The following TRIM16 variants were observed in gnomAD, a reference collection of about 807,000 sequenced individuals.
TRIM16 encodes the protein tripartite motif containing 16.
Under a neutral mutation model 50.4 loss-of-function variants are expected in TRIM16, and 33 were observed. The ratio of observed to expected loss-of-function variants is 0.65; its 90% CI spans 0.50 to 0.88. The LOEUF is 0.88. Ranked by LOEUF, TRIM16 falls within the 40% of genes least tolerant of loss-of-function variation. TRIM16 has a pLI of 0.00. For missense variants in TRIM16, 581 were observed against 686.8 expected, an observed-to-expected ratio of 0.85 and a Z score of 1.72; for synonymous variants, 229 against 270.7, an observed-to-expected ratio of 0.85 and a Z score of 1.51.
In TRIM16 at chr17:15,677,838, A is replaced by G. The variant is rs560375414; in HGVS notation, c.-589-117T>C. ...ATTTTATTGACTCGTATATTAAAGA[A>G]TCTTAAAATCTTAAAATGTGTATAC... On this transcript the variant is annotated intron_variant, in intron 4 of 11. Coordinates refer to ENST00000649191, the MANE Select transcript of TRIM16 (RefSeq NM_001348119.1). 39 of 802,614 alleles carry G rather than the reference A, an allele frequency of 4.9e-5. No homozygotes were observed. The African/African-American group carries it at 7.3e-4, about 15-fold the overall frequency. 49.7% of individuals were successfully genotyped at this position (802,614 alleles called of 1,614,324 possible).
chr17:15,672,933 T>C (rs1291459221), intron 6 of TRIM16, among the ~76,000 whole-genome samples: 1 of 152,250 alleles, frequency 6.6e-6, no homozygotes, highest in Non-Finnish European at 1.5e-5. Context: ...ATCCAAATTA[T>C]ATTTAGGCTA....
At position 15,671,346 on chromosome 17, in the gene TRIM16, T is replaced by C. The variant is rs1224280024; in HGVS notation, c.-338+5830A>G. 3.8e-5 allele frequency among the ~76,000 whole-genome samples: 5 copies of C among 132,234 alleles called. No individual in the cohort carries two copies. In the East Asian group the frequency reaches 6.5e-4, roughly 17 times the overall value. 86.8% of individuals were successfully genotyped at this position (132,234 alleles called of 152,430 possible). On this transcript the variant is annotated intron_variant, in intron 6 of 11. Transcript: ENST00000649191. ...ATAAATATAGAATTTTATATAGGTG[T>C]GCAAAACATAATTTTATAGTATTCT...
chr17:15,647,986 G>A (rs1317041698), intron 7 of TRIM16, among the ~76,000 whole-genome samples: 2 of 152,146 alleles, frequency 1.3e-5, no homozygotes, highest in Non-Finnish European at 2.9e-5. Context: ...AGCACTTTGG[G>A]AGGCCGAGGC....
At chr17:15,658,740 A>G (rs1014433057) in intron 6 of TRIM16, 3 of 926,346 alleles carry the variant, frequency 3.2e-6, no homozygotes, top group Non-Finnish European at 3.9e-6. Context: ...AAAGTCTGAG[A>G]ACCACTGAGC....
intron 3 of TRIM16, among the ~76,000 whole-genome samples, chr17:15,681,575 G>T (rs1157937809): frequency 6.6e-6 from 1 of 152,202 alleles, no homozygotes; most frequent in African/African-American, 2.4e-5. Context: ...ATGAATTAAT[G>T]AATGAGCCCT....
intron 7 of TRIM16, among the ~76,000 whole-genome samples, chr17:15,649,120 T>C (rs972674128): frequency 4.6e-5 from 7 of 152,296 alleles, no homozygotes; most frequent in African/African-American, 1.7e-4. Context: ...AGGTGCCCTG[T>C]TTTTAAAATT....
intron 6 of TRIM16, among the ~76,000 whole-genome samples, chr17:15,657,201 A>G (rs1988020811): frequency 6.6e-6 from 1 of 152,170 alleles, no homozygotes; most frequent in African/African-American, 2.4e-5. Context: ...GCTTTTATTA[A>G]AAGACAGGAT....
chr17:15,670,168 AT>A (rs1988666740), intron 6 of TRIM16, among the ~76,000 whole-genome samples: 1 of 152,218 alleles, frequency 6.6e-6, no homozygotes, highest in Admixed American at 6.5e-5. Context: ...GCTTGAAGAT[AT>A]TCTGCAGTTT....
Position 15,643,028 on chromosome 17 carries a change from A to C in TRIM16, c.520-212T>G, listed in dbSNP as rs1230491096. On this transcript the variant is annotated intron_variant, in intron 7 of 11. Transcript: ENST00000649191. ...AGTCAGCATGAGTCAGCGAAAATAC[A>C]GTGAGCACGGATGCCGTGCTGCTCA... The C allele has an allele frequency of 5.4e-6, 4 of 745,534 alleles. 1 individual carries two copies. In the African/African-American group the frequency reaches 1.5e-4, roughly 28 times the overall value. 46.2% of individuals were successfully genotyped at this position (745,534 alleles called of 1,614,324 possible).
At chr17:15,650,395 C>G (rs3785634) in intron 7 of TRIM16, among the ~76,000 whole-genome samples, 59,918 of 152,102 alleles carry the variant, frequency 0.39, 13,930 homozygotes, top group African/African-American at 0.65. Context: ...AGAAAAACGA[C>G]TTGTTCTAGA....
intron 7 of TRIM16, among the ~76,000 whole-genome samples, chr17:15,643,645 C>T (rs1301936780): frequency 6.6e-6 from 1 of 150,974 alleles, no homozygotes; most frequent in African/African-American, 2.5e-5. Context: ...ATTGGTCACT[C>T]ATATTTGGCT....
In TRIM16 at chr17:15,670,467, A is replaced by G. The variant is rs560174266; in HGVS notation, c.-338+6709T>C. 5.2e-3 allele frequency among the ~76,000 whole-genome samples: 790 copies of G among 152,246 alleles called. 1 individual carries two copies. The highest frequency in any genetic ancestry group is 8.8e-3 in the Non-Finnish European group (599 of 68,012). ...AGATGCTCTCTATGGTCTACATGTC[A>G]CAGAAAGGTCTTTTTTTTATGCAGG... On this transcript the variant is annotated intron_variant, in intron 6 of 11. Transcript: ENST00000649191.
At chr17:15,648,522 T>C (rs1242607477) in intron 7 of TRIM16, among the ~76,000 whole-genome samples, 1 of 152,208 alleles carries the variant, frequency 6.6e-6, no homozygotes, top group African/African-American at 2.4e-5. Context: ...TGTGTCTTCA[T>C]GGCTGACCCT....
At chr17:15,632,738 C>T (rs1986496695) in intron 9 of TRIM16, 64 bp from the exon 10 acceptor site, 8 of 1,460,138 alleles carry the variant, frequency 5.5e-6, no homozygotes, top group Non-Finnish European at 6.4e-6. Context: ...GGCTTCTCTC[C>T]TCATTAAGTC....
In TRIM16 at chr17:15,631,694, G is replaced by A. The variant is rs1472775051; in HGVS notation, c.1036C>T (p.Gln346Ter). ...SKEEEYDIRT[Q>*]VSAVVQRKYW... ...TTGCGCTGAACAACGGCAGACACTT[G>A]AGTTCTGATGTCATACTCCTCTAGA... The change falls in exon 11 of 12, where the codon CAA becomes TAA. Residue 346 changes from glutamine to a stop codon, truncating the protein, a stop_gained. Coordinates refer to ENST00000649191, the MANE Select transcript of TRIM16 (RefSeq NM_001348119.1). LOFTEE classifies it high-confidence loss of function. 1.2e-6 allele frequency: 2 copies of A among 1,613,812 alleles called. No individual in the cohort carries two copies. The highest frequency in any genetic ancestry group is 2.7e-5 in the African/African-American group (2 of 74,902).
chr17:15,631,847 G>A, intron 10 of TRIM16, 133 bp from the exon 11 acceptor site: 1 of 752,512 alleles, frequency 1.3e-6, no homozygotes, highest in Non-Finnish European at 2.3e-6. Context: ...ATGTTTCACA[G>A]AAATACGCTC....
At chr17:15,650,601 G>C (rs1987639697) in intron 7 of TRIM16, among the ~76,000 whole-genome samples, 1 of 152,136 alleles carries the variant, frequency 6.6e-6, no homozygotes, top group African/African-American at 2.4e-5. Flanking sequence ...ATCTCCAGAG[G>C]GGCCCATTCT....
At chr17:15,655,660 T>C (rs960787287) in intron 6 of TRIM16, among the ~76,000 whole-genome samples, 1 of 151,986 alleles carries the variant, frequency 6.6e-6, no homozygotes, top group African/African-American at 2.4e-5. Context: ...CTGCAAGCTC[T>C]GCCTCCCGGG....
chr17:15,644,767 A>C (rs1344941855), intron 7 of TRIM16, among the ~76,000 whole-genome samples: 3 of 152,034 alleles, frequency 2.0e-5, no homozygotes, highest in Non-Finnish European at 4.4e-5. Context: ...GTCGGGTGCC[A>C]GGAAATGGGG....
Sources: allele counts gnomAD v4.1 joint callset (sites outside exome capture counted in the v4.1 genomes callset), GRCh38; gene constraint gnomAD v4.1.1; transcripts MANE v1.5; gene names NCBI Gene and HGNC (gene_info 2026-07-23, HGNC 2026-07-21).